The following PROS1 variants were observed in gnomAD, a reference collection of about 807,000 sequenced individuals.
The protein encoded by PROS1 is vitamin K-dependent protein S.
In PROS1, 29 loss-of-function variants were observed where a neutral mutation model predicts 75.9. That is an observed-to-expected ratio of 0.38 (90% confidence interval 0.28 to 0.52). The LOEUF (loss-of-function observed/expected upper bound fraction) is 0.52, where lower values mean the gene tolerates loss of function less well. Ranked by LOEUF, PROS1 falls within the 20% of genes least tolerant of loss-of-function variation. PROS1 has a pLI of 0.83. For missense variants in PROS1, 680 were observed against 810.3 expected (o/e 0.84, Z 1.95); for synonymous variants, 245 against 280.6 (o/e 0.87, Z 1.27).
chr3:93,880,955 G>T (rs1298391055), intron 12 of PROS1, among the ~76,000 whole-genome samples: 1 of 151,906 alleles, frequency 6.6e-6, no homozygotes, highest in Non-Finnish European at 1.5e-5. Context: ...TCTTTCATAG[G>T]CAGAACAGAA....
At chr3:93,900,260 G>A (rs1197712038) in intron 7 of PROS1, among the ~76,000 whole-genome samples, 8 of 152,134 alleles carry the variant, frequency 5.3e-5, no homozygotes, top group African/African-American at 7.2e-5. Context: ...TGACATTACC[G>A]ATCAGTATTT....
At chr3:93,912,573 T>G (rs868416581) in intron 3 of PROS1, among the ~76,000 whole-genome samples, 1 of 152,156 alleles carries the variant, frequency 6.6e-6, no homozygotes, top group South Asian at 2.1e-4. Context: ...GGAGCCCCTA[T>G]CTGAGTCCAC....
chr3:93,941,449 G>A (rs144629572), intron 1 of PROS1, among the ~76,000 whole-genome samples: 1 of 152,184 alleles, frequency 6.6e-6, no homozygotes, highest in East Asian at 1.9e-4. Context: ...TTTCCTTCCT[G>A]GGCATGATTG....
In PROS1 at chr3:93,928,702, A is replaced by G. The variant is rs1576199510; in HGVS notation, c.77-1295T>C. The G allele has an allele frequency of 2.4e-6, 3 of 1,230,758 alleles. No homozygotes were observed. In the South Asian group the frequency reaches 3.8e-5, roughly 16 times the overall value. The allele number at this position is 1,230,758 out of a possible 1,614,324, so 76.2% of individuals were successfully genotyped here. On this transcript the variant is annotated intron_variant, in intron 1 of 14. Coordinates refer to ENST00000394236, the MANE Select transcript of PROS1 (RefSeq NM_000313.4). ...CAACAGACTGGAGGAAAATACTTAC[A>G]GCATATAGAATAGAAAAAATTGCAT...
At chr3:93,874,503 T>C in intron 14 of PROS1, 98 bp from the exon 15 acceptor site, 9 of 1,494,690 alleles carry the variant, frequency 6.0e-6, no homozygotes, top group Non-Finnish European at 8.2e-6. Context: ...TCCAACCAAA[T>C]TCTAATCCTA....
At chr3:93,936,796 C>G (rs562371550) in intron 1 of PROS1, among the ~76,000 whole-genome samples, 2 of 152,150 alleles carry the variant, frequency 1.3e-5, no homozygotes, top group Admixed American at 1.3e-4. Flanking sequence ...CAAAGTGATG[C>G]TTATGGTTAA....
chr3:93,888,108 G>A (rs1217877697), intron 10 of PROS1, among the ~76,000 whole-genome samples: 1 of 152,144 alleles, frequency 6.6e-6, no homozygotes, highest in Non-Finnish European at 1.5e-5. Flanking sequence ...CAAAATATTT[G>A]CTGCACTATT....
intron 1 of PROS1, chr3:93,958,525 C>T (rs966248122): frequency 9.2e-5 from 14 of 152,214 alleles, no homozygotes; most frequent in African/African-American, 3.4e-4. Context: ...TCCTCACTTG[C>T]ATCTTATGAG....
At chr3:93,893,240 CT>C in intron 9 of PROS1, 118 bp from the exon 10 acceptor site, 1 of 956,812 alleles carries the variant, frequency 1.0e-6, no homozygotes, top group Non-Finnish European at 1.6e-6. Flanking sequence ...TTATTTATTT[CT>C]TTTTCTGGAA....
At chr3:93,964,966 C>T (rs991482062) in intron 1 of PROS1, among the ~76,000 whole-genome samples, 1 of 152,222 alleles carries the variant, frequency 6.6e-6, no homozygotes, top group Non-Finnish European at 1.5e-5. Context: ...AAGGTGACTA[C>T]ATCCACCTTT....
rs1375944452 is a variant in PROS1, at chr3:93,925,706, C to G, written c.235-1442G>C. 4.0e-5 allele frequency among the ~76,000 whole-genome samples: 6 copies of G among 151,134 alleles called. No individual in the cohort carries two copies. The Admixed American group carries it at 4.0e-4, about 10-fold the overall frequency. ...AGGTGTGGGGCTGCACACCTGTAGT[C>G]TCAGCGACACAGGAGGCTGAGACGG... is the stretch of plus-strand genomic sequence containing the variant. On this transcript the variant is annotated intron_variant, in intron 2 of 14. Coordinates refer to ENST00000394236, the MANE Select transcript of PROS1 (RefSeq NM_000313.4).
chr3:93,899,247 T>A (rs1247940667), intron 7 of PROS1, among the ~76,000 whole-genome samples: 4 of 152,048 alleles, frequency 2.6e-5, no homozygotes, highest in Non-Finnish European at 4.4e-5. Context: ...AGAAAATCAT[T>A]CTTGGAAATT....
intron 1 of PROS1, among the ~76,000 whole-genome samples, chr3:93,950,862 C>T (rs1709484263): frequency 6.6e-6 from 1 of 152,148 alleles, no homozygotes; most frequent in Admixed American, 6.5e-5. Context: ...GAGAAGGCTT[C>T]AGACGATCAG....
At chr3:93,909,722 C>T (rs1190430258) in intron 4 of PROS1, among the ~76,000 whole-genome samples, 1 of 151,946 alleles carries the variant, frequency 6.6e-6, no homozygotes, top group African/African-American at 2.4e-5. Flanking sequence ...ATATGTTAGC[C>T]AAAGAAAATT....
chr3:93,973,651 A>G, intron 1 of PROS1, 23 bp downstream of exon 1: 2 of 1,610,994 alleles, frequency 1.2e-6, no homozygotes, highest in Non-Finnish European at 1.7e-6. Flanking sequence ...GGGAAGGGAG[A>G]AGAGACGCTA....
At chr3:93,948,815 A>G (rs1461933550) in intron 1 of PROS1, among the ~76,000 whole-genome samples, 1 of 152,220 alleles carries the variant, frequency 6.6e-6, no homozygotes, top group East Asian at 1.9e-4. Flanking sequence ...AATTTTTAAA[A>G]GATACCTTCC....
At chr3:93,942,308 G>A (rs542664052) in intron 1 of PROS1, among the ~76,000 whole-genome samples, 20 of 152,052 alleles carry the variant, frequency 1.3e-4, no homozygotes, top group African/African-American at 2.4e-4. Flanking sequence ...TGAATATTCC[G>A]TCCATATCCT....
intron 1 of PROS1, 91 bp from the exon 2 acceptor site, chr3:93,927,498 G>A (rs375030637): frequency 7.3e-7 from 1 of 1,366,222 alleles, no homozygotes; most frequent in Non-Finnish European, 1.0e-6. Context: ...ATCATTTTCT[G>A]CCTATGAATT....
At chr3:93,953,121 C>T (rs577864642) in intron 1 of PROS1, among the ~76,000 whole-genome samples, 31 of 152,242 alleles carry the variant, frequency 2.0e-4, no homozygotes, top group Admixed American at 1.6e-3. Flanking sequence ...CAGAACCAGA[C>T]GGATTCACAG....
Sources: allele counts gnomAD v4.1 joint callset (sites outside exome capture counted in the v4.1 genomes callset), GRCh38; gene constraint gnomAD v4.1.1; transcripts MANE v1.5; gene names NCBI Gene and HGNC (gene_info 2026-07-23, HGNC 2026-07-21).